Variants in SRRM4 observed in about 807,000 individuals in gnomAD.
SRRM4 encodes serine/arginine repetitive matrix 4, also known as serine/arginine repetitive matrix protein 4.
A neutral mutation model predicts 68.9 loss-of-function variants in SRRM4; 33 were observed. The observed-to-expected ratio is 0.48, with a 90% CI of 0.36 to 0.64. The LOEUF (loss-of-function observed/expected upper bound fraction) is 0.64. Among genes scored for constraint, SRRM4 ranks in the 30% least tolerant of loss-of-function variants. SRRM4 has a pLI of 0.00. For synonymous variants in SRRM4, 318 were observed against 318.8 expected (o/e 1.00, Z 0.03); for missense variants, 817 against 827.1 (o/e 0.99, Z 0.15).
chr12:119,038,044 C>A (rs1000458473), intron 1 of SRRM4, among the ~76,000 whole-genome samples: 4 of 152,094 alleles, frequency 2.6e-5, no homozygotes, highest in African/African-American at 9.7e-5. Flanking sequence ...ACTTATTGAG[C>A]AACTACTATG....
rs1954522194 is a variant in SRRM4, at chr12:119,162,646, T to TA, written c.*5849dup. 1 of 152,192 alleles carries TA rather than the reference T, an allele frequency of 6.6e-6. No homozygotes were observed. Among genetic ancestry groups the TA allele is most frequent in the Non-Finnish European group, 1.5e-5 (1 of 68,034 alleles). 9.4% of individuals were successfully genotyped at this position (152,192 alleles called of 1,614,324 possible). ...GCTATAAGAACTTCTCTCTGCACTG[T>TA]ATTTTTTTTTCTCCCAATTCTTAGC... On this transcript the variant is annotated 3_prime_UTR_variant, in exon 13 of 13. Transcript: ENST00000267260.
chr12:119,101,061 A>G (rs745347246), intron 1 of SRRM4, among the ~76,000 whole-genome samples: 2 of 152,180 alleles, frequency 1.3e-5, no homozygotes, highest in Non-Finnish European at 2.9e-5. Context: ...TAGAAGCCCT[A>G]AGGAGCAGGG....
At chr12:118,998,373 G>A (rs1594019909) in intron 1 of SRRM4, among the ~76,000 whole-genome samples, 2 of 150,660 alleles carry the variant, frequency 1.3e-5, no homozygotes, top group Non-Finnish European at 2.9e-5. Context: ...GGACTCTAGG[G>A]CTATATCTGA....
chr12:119,114,513 C>A, intron 3 of SRRM4, 149 bp downstream of exon 3: 1 of 612,148 alleles, frequency 1.6e-6, no homozygotes. Context: ...CACTTTACAT[C>A]TCTGTTCCTG....
At chr12:119,125,024 C>T (rs1233679569) in intron 6 of SRRM4, among the ~76,000 whole-genome samples, 2 of 152,144 alleles carry the variant, frequency 1.3e-5, no homozygotes, top group African/African-American at 2.4e-5. Context: ...GCCTGAATGG[C>T]CCCTGAAGCT....
intron 1 of SRRM4, among the ~76,000 whole-genome samples, chr12:119,098,537 T>C (rs2136040406): frequency 6.6e-6 from 1 of 152,342 alleles, no homozygotes; most frequent in South Asian, 2.1e-4. Flanking sequence ...AGCAGCAGGC[T>C]CTGAGGCAGA....
rs566686295 is a variant in SRRM4, at chr12:119,091,756, T to C, written c.132-10480T>C. Among the ~76,000 whole-genome samples the C allele has an allele frequency of 8.5e-5, 13 of 152,308 alleles. No individual in the cohort carries two copies. The South Asian group carries it at 2.7e-3, about 32-fold the overall frequency. On this transcript the variant is annotated intron_variant, in intron 1 of 12. Coordinates refer to ENST00000267260, the MANE Select transcript of SRRM4 (RefSeq NM_194286.4). ...CTCACTATGCACTCCCAACTCTCCC[T>C]GGTTAGTAACTCTGTCCCCTCTGTG...
chr12:119,079,433 C>G (rs1372706785), intron 1 of SRRM4, among the ~76,000 whole-genome samples: 4 of 152,110 alleles, frequency 2.6e-5, no homozygotes, highest in African/African-American at 4.8e-5. Context: ...AGATGGGAGA[C>G]AGAGAGACCA....
At chr12:119,096,023 T>C (rs1954042083) in intron 1 of SRRM4, among the ~76,000 whole-genome samples, 1 of 151,518 alleles carries the variant, frequency 6.6e-6, no homozygotes, top group Non-Finnish European at 1.5e-5. Context: ...TCAGTTGATT[T>C]TTATTTATTT....
In SRRM4 at chr12:119,120,291, C is replaced by G. The variant is rs988213438; in HGVS notation, c.464+15C>G. 6.5e-7 allele frequency: 1 copy of G among 1,550,140 alleles called. No homozygotes were observed. The stretch of plus-strand genomic sequence containing the variant: ...AGAAGGCACAGGTAAGACTCTTGTT[C>G]TCTGACTGCCTGTTCAATTTTCTGC... On this transcript the variant is annotated intron_variant, in intron 5 of 12. Transcript: ENST00000267260.
At chr12:119,033,176 A>C (rs1953602873) in intron 1 of SRRM4, among the ~76,000 whole-genome samples, 1 of 152,142 alleles carries the variant, frequency 6.6e-6, no homozygotes, top group South Asian at 2.1e-4. Flanking sequence ...GAAAATGTTC[A>C]CGCTAAAACT....
At chr12:119,152,703 A>G (rs1326145106) in intron 10 of SRRM4, among the ~76,000 whole-genome samples, 2 of 152,234 alleles carry the variant, frequency 1.3e-5, no homozygotes, top group Non-Finnish European at 2.9e-5. Flanking sequence ...CTCAATGCAT[A>G]GCCAAAGCAT....
intron 1 of SRRM4, among the ~76,000 whole-genome samples, chr12:119,052,192 T>G (rs1479986761): frequency 6.6e-6 from 1 of 152,198 alleles, no homozygotes; most frequent in Non-Finnish European, 1.5e-5. Context: ...TCACCTGCTG[T>G]GTTTAGAATA....
At chr12:119,016,139 T>G (rs1953479639) in intron 1 of SRRM4, among the ~76,000 whole-genome samples, 1 of 152,134 alleles carries the variant, frequency 6.6e-6, no homozygotes, top group Non-Finnish European at 1.5e-5. Context: ...GCCACAAACC[T>G]AGGAATGCCA....
intron 1 of SRRM4, among the ~76,000 whole-genome samples, chr12:118,986,981 G>A (rs1953286553): frequency 6.6e-6 from 1 of 152,062 alleles, no homozygotes; most frequent in South Asian, 2.1e-4. Context: ...ATTCACAGGG[G>A]CTTAGCAAAA....
chr12:119,032,260 C>A (rs1016632541), intron 1 of SRRM4, among the ~76,000 whole-genome samples: 1 of 152,138 alleles, frequency 6.6e-6, no homozygotes, highest in Admixed American at 6.5e-5. Context: ...AATACCAATC[C>A]TGTTATTTCA....
At chr12:119,112,432 A>G (rs1341454282) in intron 2 of SRRM4, among the ~76,000 whole-genome samples, 1 of 152,236 alleles carries the variant, frequency 6.6e-6, no homozygotes, top group Non-Finnish European at 1.5e-5. Context: ...TGACCCAGCA[A>G]TCCCATTACT....
chr12:119,019,956 C>T (rs527911376), intron 1 of SRRM4, among the ~76,000 whole-genome samples: 10 of 79,316 alleles, frequency 1.3e-4, no homozygotes, highest in African/African-American at 2.4e-4. Flanking sequence ...CGCTCCCCCC[C>T]CCCCCAAAAA....
At chr12:119,143,999 A>G (rs1426489157) in intron 8 of SRRM4, among the ~76,000 whole-genome samples, 1 of 152,168 alleles carries the variant, frequency 6.6e-6, no homozygotes, top group East Asian at 1.9e-4. Context: ...TCCCAGCCAC[A>G]ACAGGTCTGA....
Sources: allele counts gnomAD v4.1 joint callset (sites outside exome capture counted in the v4.1 genomes callset), GRCh38; gene constraint gnomAD v4.1.1; transcripts MANE v1.5; gene names NCBI Gene and HGNC (gene_info 2026-07-23, HGNC 2026-07-21).